Variants in PTER observed in about 807,000 individuals in gnomAD.
PTER encodes the protein phosphotriesterase related, also known as N-acetyltaurine hydrolase.
Under a neutral mutation model 29.6 loss-of-function variants are expected in PTER, and 38 were observed. That is an observed-to-expected ratio of 1.28 (90% CI 0.99 to 1.68). The LOEUF is 1.68. Ranked by LOEUF, PTER falls within the 40% of genes most tolerant of loss-of-function variation. The probability of loss-of-function intolerance (pLI) is 0.00; values close to 1 mark genes in which losing one functional copy is unlikely to be tolerated. For synonymous variants in PTER, 172 were observed against 154.5 expected (o/e 1.11, Z -0.84); for missense variants, 482 against 427.8 (o/e 1.13, Z -1.12).
intron 1 of PTER, among the ~76,000 whole-genome samples, chr10:16,480,936 C>T (rs771416371): frequency 1.2e-4 from 18 of 152,220 alleles, no homozygotes; most frequent in Non-Finnish European, 2.1e-4. Flanking sequence ...TCCTATTTAT[C>T]GTTTCTGGCT....
Position 16,486,515 on chromosome 10 carries a change from T to C in PTER, c.596T>C (p.Ile199Thr), listed in dbSNP as rs949524120. The C allele has an allele frequency of 3.7e-6, 6 of 1,613,954 alleles. No individual in the cohort carries two copies. The African/African-American group carries it at 5.3e-5, about 14-fold the overall frequency. ...CAGGCTCAGCTTGGTTGTCCTGTTA[T>C]TATCCATCCTGGACGGAGCTCCAGG... ...HAQAQLGCPVIIHPGRSSRAP... is the reference protein window; with the variant it reads ...HAQAQLGCPVTIHPGRSSRAP... The change falls in exon 3 of 5, where the codon ATT becomes ACT. Residue 199 changes from isoleucine to threonine, a missense_variant. Ile to Thr is a moderately conservative substitution (Grantham distance 89). Transcript: ENST00000535784.
At chr10:16,451,435 G>A (rs374608785) in intron 1 of PTER, among the ~76,000 whole-genome samples, 19 of 152,342 alleles carry the variant, frequency 1.2e-4, no homozygotes, top group African/African-American at 3.4e-4. Flanking sequence ...TATGCTGGGC[G>A]TGGTGGCTCA....
chr10:16,461,631 A>G (rs1834616065), intron 1 of PTER, among the ~76,000 whole-genome samples: 2 of 152,286 alleles, frequency 1.3e-5, no homozygotes, highest in South Asian at 2.1e-4. Context: ...GTCAGGTGCC[A>G]CACTCTCTTA....
At chr10:16,504,630 T>C (rs1250648882) in intron 3 of PTER, among the ~76,000 whole-genome samples, 1 of 152,210 alleles carries the variant, frequency 6.6e-6, no homozygotes, top group African/African-American at 2.4e-5. Flanking sequence ...TTTCCTTTAA[T>C]AGTTTTCACA....
chr10:16,496,476 T>C (rs938077545), intron 3 of PTER, among the ~76,000 whole-genome samples: 1 of 152,222 alleles, frequency 6.6e-6, no homozygotes, highest in African/African-American at 2.4e-5. Flanking sequence ...ACACATGCTA[T>C]TCTCTCTGCT....
At chr10:16,463,179 G>A (rs912428189) in intron 1 of PTER, among the ~76,000 whole-genome samples, 3 of 136,474 alleles carry the variant, frequency 2.2e-5, no homozygotes, top group Non-Finnish European at 4.6e-5. Flanking sequence ...CAGCCTGGGC[G>A]ACAGAGCGAG....
At chr10:16,479,862 TCTTCA>T (rs1835412610) in intron 1 of PTER, among the ~76,000 whole-genome samples, 1 of 151,616 alleles carries the variant, frequency 6.6e-6, no homozygotes, top group African/African-American at 2.4e-5. Flanking sequence ...GCTGCCAGGC[TCTTCA>T]CTTCATATTG....
intron 1 of PTER, among the ~76,000 whole-genome samples, chr10:16,482,458 C>T (rs1051551115): frequency 2.6e-5 from 4 of 152,138 alleles, no homozygotes; most frequent in South Asian, 4.1e-4. Context: ...ATATGGTCTG[C>T]GTGCCAAATG....
chr10:16,510,880 T>C (rs1186160189), intron 4 of PTER, among the ~76,000 whole-genome samples, 166 bp from the exon 5 acceptor site: 7 of 152,206 alleles, frequency 4.6e-5, no homozygotes, highest in African/African-American at 1.7e-4. Flanking sequence ...GCAATATTTT[T>C]ATCGTCACCA....
At chr10:16,453,535 T>G (rs1203753871) in intron 1 of PTER, among the ~76,000 whole-genome samples, 1 of 152,188 alleles carries the variant, frequency 6.6e-6, no homozygotes, top group Non-Finnish European at 1.5e-5. Context: ...TCACAAGCAG[T>G]ATGAAGAATG....
At chr10:16,468,639 AC>A (rs1456776466) in intron 1 of PTER, among the ~76,000 whole-genome samples, 1 of 152,044 alleles carries the variant, frequency 6.6e-6, no homozygotes, top group African/African-American at 2.4e-5. Context: ...CAAAGATGTG[AC>A]TCACCGCAAC....
intron 1 of PTER, among the ~76,000 whole-genome samples, chr10:16,476,391 T>A (rs182935700): frequency 2.2e-4 from 34 of 152,222 alleles, no homozygotes; most frequent in African/African-American, 7.7e-4. Flanking sequence ...CATACTTTCT[T>A]ATTTAAGTGG....
At chr10:16,502,818 G>A (rs925702979) in intron 3 of PTER, among the ~76,000 whole-genome samples, 9 of 151,410 alleles carry the variant, frequency 5.9e-5, no homozygotes, top group East Asian at 2.0e-4. Context: ...GCAAAACCCC[G>A]TCTTTACTAA....
chr10:16,488,702 C>A (rs1324450998), intron 3 of PTER, among the ~76,000 whole-genome samples: 1 of 152,012 alleles, frequency 6.6e-6, no homozygotes, highest in African/African-American at 2.4e-5. Flanking sequence ...CTCCCAAGTT[C>A]AAGTGATCCT....
At chr10:16,462,916 G>T (rs979456439) in intron 1 of PTER, among the ~76,000 whole-genome samples, 7 of 151,712 alleles carry the variant, frequency 4.6e-5, no homozygotes, top group Middle Eastern at 3.2e-3. Context: ...GATGGCTGCC[G>T]GGCGTGGTGA....
intron 3 of PTER, among the ~76,000 whole-genome samples, chr10:16,497,531 C>T (rs1419589605): frequency 2.0e-5 from 3 of 152,132 alleles, no homozygotes; most frequent in Non-Finnish European, 4.4e-5. Context: ...TAGATGTTCA[C>T]TGAATTAATT....
intron 1 of PTER, among the ~76,000 whole-genome samples, chr10:16,439,484 TG>T (rs1259667928): frequency 1.3e-5 from 2 of 152,154 alleles, no homozygotes; most frequent in Non-Finnish European, 2.9e-5. Flanking sequence ...TGCCAGGACT[TG>T]GCCATAGGAT....
At chr10:16,483,738 C>G (rs1036738083) in intron 1 of PTER, among the ~76,000 whole-genome samples, 2 of 152,050 alleles carry the variant, frequency 1.3e-5, no homozygotes, top group African/African-American at 4.8e-5. Context: ...CCCAGCTACT[C>G]AGGAGGCTGG....
intron 1 of PTER, among the ~76,000 whole-genome samples, chr10:16,464,973 G>A (rs367773197): frequency 6.6e-6 from 1 of 152,120 alleles, no homozygotes; most frequent in African/African-American, 2.4e-5. Flanking sequence ...TCGTGCAGGG[G>A]AATTCCTCTT....
Sources: gnomAD v4.1 joint callset for allele counts (sites outside exome capture counted in the v4.1 genomes callset) on GRCh38, gnomAD v4.1.1 for gene constraint, MANE v1.5 for transcripts, NCBI Gene and HGNC (gene_info 2026-07-23, HGNC 2026-07-21) for gene names.